Variants in PCDHGA7 observed in about 807,000 individuals in gnomAD.
PCDHGA7 encodes the protein protocadherin gamma-A7.
Under a neutral mutation model 58.3 loss-of-function variants are expected in PCDHGA7, and 44 were observed. The observed-to-expected ratio is 0.75, with a 90% CI of 0.59 to 0.97. The LOEUF (loss-of-function observed/expected upper bound fraction) is 0.97. Ranked by LOEUF, PCDHGA7 falls within the 50% of genes least tolerant of loss-of-function variation. The pLI is 0.00. For missense variants in PCDHGA7, 1,266 were observed against 1,188.7 expected, an observed-to-expected ratio of 1.06 and a Z score of -0.96; for synonymous variants, 516 against 504.2, an observed-to-expected ratio of 1.02 and a Z score of -0.31.
Position 141,511,400 on chromosome 5 carries a change from T to C in PCDHGA7, c.*227T>C. The C allele has an allele frequency of 2.0e-6, 2 of 982,250 alleles. No individual in the cohort carries two copies. Among genetic ancestry groups the C allele is most frequent in the Non-Finnish European group, 2.9e-6 (2 of 688,054 alleles). The allele number at this position is 982,250 out of a possible 1,614,324, so 60.8% of individuals were successfully genotyped here. On this transcript the variant is annotated 3_prime_UTR_variant, in exon 4 of 4. Coordinates refer to ENST00000518325, the MANE Select transcript of PCDHGA7 (RefSeq NM_018920.4). ...AGTTCCGCTGGGAACCCCCATCCAA[T>C]CAACTGCTGTACCCATGGGGGTAGT...
At chr5:141,418,655 G>A in intron 1 of PCDHGA7, 5 of 1,614,002 alleles carry the variant, frequency 3.1e-6, no homozygotes, top group Non-Finnish European at 4.2e-6. Flanking sequence ...GAGAGTGAAG[G>A]CCACTGACCA....
chr5:141,407,591 C>T (rs878883569), intron 1 of PCDHGA7, among the ~76,000 whole-genome samples: 1 of 151,680 alleles, frequency 6.6e-6, no homozygotes, highest in Non-Finnish European at 1.5e-5. Flanking sequence ...CTTAATGTCT[C>T]ATCTTAAAAA....
At chr5:141,445,768 T>A (rs2098476928) in intron 1 of PCDHGA7, among the ~76,000 whole-genome samples, 1 of 152,074 alleles carries the variant, frequency 6.6e-6, no homozygotes, top group Admixed American at 6.6e-5. Context: ...CTCAAGCAAT[T>A]TAAAAGGGCT....
chr5:141,386,918 A>G (rs758924740), intron 1 of PCDHGA7, among the ~76,000 whole-genome samples: 8 of 152,206 alleles, frequency 5.3e-5, no homozygotes, highest in Non-Finnish European at 1.2e-4. Context: ...CAAGGAATGT[A>G]AAATAAGTGC....
At position 141,398,657 on chromosome 5, in the gene PCDHGA7, G is replaced by A. The variant is rs776950213; in HGVS notation, c.2424+13334G>A. 3.1e-6 allele frequency: 5 copies of A among 1,614,018 alleles called. No individual in the cohort carries two copies. In the South Asian group the frequency reaches 5.5e-5, roughly 18 times the overall value. On this transcript the variant is annotated intron_variant, in intron 1 of 3. Transcript: ENST00000518325. ...AAGTATAAACTCTCTCTTAACCCAA[G>A]TTTCTCATTAATAATTAAGGAGAAA...
intron 1 of PCDHGA7, among the ~76,000 whole-genome samples, chr5:141,444,503 T>C (rs2098438734): frequency 6.6e-6 from 1 of 152,088 alleles, no homozygotes; most frequent in Non-Finnish European, 1.5e-5. Flanking sequence ...AATACTTTGC[T>C]CTAGCAGTAT....
Position 141,383,402 on chromosome 5 carries a change from A to T in PCDHGA7, c.503A>T (p.Gln168Leu), listed in dbSNP as rs757890929. 4.3e-6 allele frequency: 7 copies of T among 1,614,034 alleles called. No individual in the cohort carries two copies. In the Admixed American group the frequency reaches 8.3e-5, roughly 19 times the overall value. Reference protein sequence around the residue: ...GDPDVGTNSLQSYQLSPNRHF... With the variant: ...GDPDVGTNSLLSYQLSPNRHF... The stretch of plus-strand genomic sequence containing the variant: ...CCAGATGTGGGCACGAACTCCCTCC[A>T]GAGTTACCAGCTCAGCCCCAATCGC... Residue 168 changes from glutamine to leucine, a missense_variant, in exon 1 of 4, where the codon CAG (glutamine) becomes CTG (leucine). Gln to Leu is a moderately radical substitution (Grantham distance 113). Transcript: ENST00000518325.
chr5:141,419,018 AG>A (rs2096314197), intron 1 of PCDHGA7: 1 of 1,613,838 alleles, frequency 6.2e-7, no homozygotes, highest in African/African-American at 1.3e-5. Context: ...GTGTAGCTTA[AG>A]TAGAGGTGTT....
At chr5:141,418,891 C>T in intron 1 of PCDHGA7, 2 of 1,613,842 alleles carry the variant, frequency 1.2e-6, no homozygotes, top group South Asian at 2.2e-5. Flanking sequence ...ACGACAACAG[C>T]CCAGAAATAA....
rs1444244130 is a variant in PCDHGA7 at position 141,433,401 on chromosome 5, A to ATCTATCTC, written c.2424+48083_2424+48084insCTCTCTAT. The stretch of plus-strand genomic sequence containing the variant: ...TATCTATCTATCTATCTATCTATCT[A>ATCTATCTC]TCTATTACTTTCTTGTACAGACAGG... On this transcript the variant is annotated intron_variant, in intron 1 of 3. Transcript: ENST00000518325. Among the ~76,000 whole-genome samples, 100 of 150,598 alleles carry ATCTATCTC rather than the reference A, an allele frequency of 6.6e-4. 1 individual carries two copies. Among genetic ancestry groups the ATCTATCTC allele is most frequent in the African/African-American group, 2.4e-3 (100 of 40,958 alleles).
At chr5:141,496,928 G>A (rs2099772685) in intron 2 of PCDHGA7, among the ~76,000 whole-genome samples, 1 of 151,334 alleles carries the variant, frequency 6.6e-6, no homozygotes, top group Non-Finnish European at 1.5e-5. Context: ...GTTCACGCCT[G>A]TAATCCCAGC....
rs922042985 is a variant in PCDHGA7, at chr5:141,415,768, T to G, written c.2424+30445T>G. 1.6e-5 allele frequency: 22 copies of G among 1,345,224 alleles called. No homozygotes were observed. The African/African-American group carries it at 3.6e-4, about 22-fold the overall frequency. The allele number at this position is 1,345,224 out of a possible 1,614,324, so 83.3% of individuals were successfully genotyped here. ...TTTTTTTTTTTTTTTTTTTTTTTTT[T>G]TTTTACTTTCTGGTAAAATTCACCT... is the stretch of plus-strand genomic sequence containing the variant. On this transcript the variant is annotated intron_variant, in intron 1 of 3. Coordinates refer to ENST00000518325, the MANE Select transcript of PCDHGA7 (RefSeq NM_018920.4).
Position 141,512,836 on chromosome 5 carries a change from T to G in PCDHGA7, c.*1663T>G, listed in dbSNP as rs1024777792. On this transcript the variant is annotated 3_prime_UTR_variant, in exon 4 of 4. Transcript: ENST00000518325. ...GGCGACCCCCTCCCCCGTACTGACTTCTCCTATAAGCGCTTCTCTTCGCAT... is the reference window on the plus strand; with the variant it reads ...GGCGACCCCCTCCCCCGTACTGACTGCTCCTATAAGCGCTTCTCTTCGCAT... 2 of 152,222 alleles carry G rather than the reference T, an allele frequency of 1.3e-5. No homozygotes were observed. Among genetic ancestry groups the G allele is most frequent in the African/African-American group, 4.8e-5 (2 of 41,412 alleles). The allele number at this position is 152,222 out of a possible 1,614,324, so 9.4% of individuals were successfully genotyped here. A position where few individuals can be genotyped will look rare whatever the true frequency, so the allele number is the denominator to read the frequency against.
chr5:141,506,815 A>G (rs2099856451), intron 3 of PCDHGA7, among the ~76,000 whole-genome samples: 1 of 152,214 alleles, frequency 6.6e-6, no homozygotes, highest in African/African-American at 2.4e-5. Flanking sequence ...GCATTGCCCT[A>G]TATCATGAAC....
intron 1 of PCDHGA7, chr5:141,413,327 A>G (rs200027912): frequency 6.2e-7 from 1 of 1,613,984 alleles, no homozygotes; most frequent in Non-Finnish European, 8.5e-7. Context: ...TTCGTGGGCA[A>G]CATCTCCAAG....
Position 141,486,271 on chromosome 5 carries a change from C to G in PCDHGA7, c.2425-8536C>G, listed in dbSNP as rs143039217. ...CCCTCCCCGAGAGTGCAGAACCTGG[C>G]ACTGTGGTGGCACTTATCAGTGTGC... On this transcript the variant is annotated intron_variant, in intron 1 of 3. Coordinates refer to ENST00000518325, the MANE Select transcript of PCDHGA7 (RefSeq NM_018920.4). The surrounding 1 kb of genome is among the most constrained non-coding windows in gnomAD (Gnocchi z 5.0). 6.2e-7 allele frequency: 1 copy of G among 1,613,968 alleles called. No homozygotes were observed. Among genetic ancestry groups the G allele is most frequent in the African/African-American group, 1.3e-5 (1 of 74,902 alleles).
At chr5:141,495,779 C>A (rs529564820) in intron 2 of PCDHGA7, among the ~76,000 whole-genome samples, 53 of 152,094 alleles carry the variant, frequency 3.5e-4, no homozygotes, top group Non-Finnish European at 4.6e-4. Flanking sequence ...TCCTGGACCT[C>A]TTTTCTGTTT....
At chr5:141,504,817 G>T in intron 2 of PCDHGA7, among the ~76,000 whole-genome samples, 1 of 151,940 alleles carries the variant, frequency 6.6e-6, no homozygotes, top group East Asian at 1.9e-4. Flanking sequence ...TACCTCCTAG[G>T]TCCCCACTTT....
At chr5:141,453,481 TA>T (rs1178324090) in intron 1 of PCDHGA7, among the ~76,000 whole-genome samples, 1 of 151,928 alleles carries the variant, frequency 6.6e-6, no homozygotes, top group Non-Finnish European at 1.5e-5. Context: ...TCAAAACTAT[TA>T]AAAAAAGGTG....
Sources: gnomAD v4.1 joint callset for allele counts (sites outside exome capture counted in the v4.1 genomes callset) on GRCh38, gnomAD v4.1.1 for gene constraint, Gnocchi (gnomAD v3.1) non-coding constraint, MANE v1.5 for transcripts, NCBI Gene and HGNC (gene_info 2026-07-23, HGNC 2026-07-21) for gene names.